SREK1: variants seen among roughly 807,000 people sequenced by gnomAD.
SREK1 encodes the protein splicing regulatory glutamic acid and lysine rich protein 1, also known as splicing regulatory glutamine/lysine-rich protein 1.
In SREK1, 13 loss-of-function variants were observed where a neutral mutation model predicts 66.5. The observed-to-expected ratio is 0.20, with a 90% CI of 0.13 to 0.31. The LOEUF is 0.31. SREK1 is among the 10% of genes least tolerant of loss of function. The pLI, the probability that SREK1 is intolerant of heterozygous loss-of-function variation, is 1.00. For missense variants in SREK1, 607 were observed against 769.6 expected, an observed-to-expected ratio of 0.79 and a Z score of 2.50; for synonymous variants, 265 against 263.5, an observed-to-expected ratio of 1.01 and a Z score of -0.05.
intron 1 of SREK1, among the ~76,000 whole-genome samples, chr5:66,149,665 A>G (rs989836810): frequency 6.6e-6 from 1 of 152,230 alleles, no homozygotes; most frequent in African/African-American, 2.4e-5. Context: ...CCGTCAGTTT[A>G]GGAAATGTTG....
chr5:66,152,917 T>C (rs1218589049), intron 1 of SREK1, among the ~76,000 whole-genome samples: 1 of 152,086 alleles, frequency 6.6e-6, no homozygotes, highest in Non-Finnish European at 1.5e-5. Flanking sequence ...CTATAAAATA[T>C]GTAAGATTTT....
intron 2 of SREK1, 122 bp from the exon 3 acceptor site, chr5:66,159,097 G>C (rs187498977): frequency 1.4e-5 from 20 of 1,432,596 alleles, no homozygotes; most frequent in Non-Finnish European, 9.1e-7. Context: ...TCTTTATACA[G>C]ATCTGATAGA....
At chr5:66,152,117 G>T (rs1049776937) in intron 1 of SREK1, among the ~76,000 whole-genome samples, 41 of 152,296 alleles carry the variant, frequency 2.7e-4, no homozygotes, top group African/African-American at 9.4e-4. Flanking sequence ...CTCCCAGAGT[G>T]CTGGGATTAC....
rs1259668051 is a variant in SREK1, at chr5:66,180,493, CTTTAGTA to C, written c.*1632_*1638del. The C allele has an allele frequency of 8.5e-5, 13 of 152,440 alleles. No individual in the cohort carries two copies. The highest frequency in any genetic ancestry group is 1.8e-4 in the Non-Finnish European group (12 of 67,982). The allele number at this position is 152,440 out of a possible 1,614,324, so 9.4% of individuals were successfully genotyped here. ...TCTTTTAATGTTAATAAGATTGAAA[CTTTAGTA>C]TTTAGTGGGGAATGGAAAGAGTTGC... On this transcript the variant is annotated 3_prime_UTR_variant, in exon 12 of 12. Coordinates refer to ENST00000334121, the MANE Select transcript of SREK1 (RefSeq NM_001077199.3).
intron 2 of SREK1, among the ~76,000 whole-genome samples, chr5:66,155,713 G>A (rs1039483015): frequency 3.2e-4 from 48 of 152,114 alleles, no homozygotes; most frequent in African/African-American, 1.2e-3. Context: ...TCTTTGAATT[G>A]CTGTTTTTTA....
At chr5:66,145,226 C>T (rs1743068499) in intron 1 of SREK1, 1 of 947,770 alleles carries the variant, frequency 1.1e-6, no homozygotes, top group Non-Finnish European at 1.3e-6. Context: ...CATTTAAAGT[C>T]CAGATCTTGG....
intron 1 of SREK1, among the ~76,000 whole-genome samples, chr5:66,146,649 A>C (rs1196956021): frequency 6.6e-6 from 1 of 151,836 alleles, no homozygotes; most frequent in Admixed American, 6.6e-5. Context: ...TGCTTTATTC[A>C]CAGGTTTTCT....
intron 1 of SREK1, among the ~76,000 whole-genome samples, chr5:66,152,147 C>T (rs867014815): frequency 1.8e-4 from 27 of 152,242 alleles, no homozygotes; most frequent in South Asian, 6.2e-4. Flanking sequence ...CCACTGCGCC[C>T]GGCGGTACAT....
chr5:66,153,421 C>A (rs750140401), intron 1 of SREK1, 42 bp from the exon 2 acceptor site: 5 of 1,581,380 alleles, frequency 3.2e-6, no homozygotes, highest in Non-Finnish European at 1.7e-6. Flanking sequence ...TAAAACCAAG[C>A]AAATGTTTAT....
Position 66,163,862 on chromosome 5 carries a change from G to C in SREK1, c.826G>C (p.Glu276Gln), listed in dbSNP as rs756021816. 6.2e-7 allele frequency: 1 copy of C among 1,613,774 alleles called. No homozygotes were observed. The highest frequency in any genetic ancestry group is 8.5e-7 in the Non-Finnish European group (1 of 1,179,718). Residue 276 changes from glutamate to glutamine, a missense_variant, in exon 6 of 12, where the codon GAA becomes CAA. Transcript: ENST00000334121. The part of the protein sequence containing the change: ...MTPQAAAKEL[E>Q]EVMKRVREAQ... ...ACCTCAGGCTGCAGCTAAGGAGTTA[G>C]AAGAAGTAATGAAGCGAGTACGAGA... is the stretch of plus-strand genomic sequence containing the variant.
At chr5:66,176,369 A>G (rs1401937832) in intron 10 of SREK1, among the ~76,000 whole-genome samples, 1 of 152,114 alleles carries the variant, frequency 6.6e-6, no homozygotes, top group Non-Finnish European at 1.5e-5. Context: ...CCTGTTCTCT[A>G]TACCCCTCAT....
At chr5:66,178,614 A>T (rs1746260108) in intron 11 of SREK1, 105 bp from the exon 12 acceptor site, 1 of 1,090,402 alleles carries the variant, frequency 9.2e-7, no homozygotes, top group Non-Finnish European at 1.3e-6. Flanking sequence ...AGAAAATCAT[A>T]CCCAGTTTTT....
In SREK1 at chr5:66,148,315, A is replaced by G. The variant is rs535109557; in HGVS notation, c.161+3778A>G. 9.7e-4 allele frequency among the ~76,000 whole-genome samples: 146 copies of G among 150,400 alleles called. 4 individuals carry two copies. The highest frequency in any genetic ancestry group is 1.8e-3 in the Non-Finnish European group (118 of 66,760). Reference sequence around the variant, plus strand: ...GTCCTCTGTCCTCTAAAGGATGTGTATTAATGTACTGATAAAATACTGGAC... The same window carrying G: ...GTCCTCTGTCCTCTAAAGGATGTGTGTTAATGTACTGATAAAATACTGGAC... On this transcript the variant is annotated intron_variant, in intron 1 of 11. Coordinates refer to ENST00000334121, the MANE Select transcript of SREK1 (RefSeq NM_001077199.3).
At chr5:66,156,027 T>G in intron 2 of SREK1, 2 of 1,533,850 alleles carry the variant, frequency 1.3e-6, no homozygotes, top group Non-Finnish European at 1.7e-6. Flanking sequence ...TAATTTGGTT[T>G]TGTATGTTTT....
At chr5:66,145,720 GTTGA>G (rs1259604237) in intron 1 of SREK1, among the ~76,000 whole-genome samples, 1 of 150,334 alleles carries the variant, frequency 6.7e-6, no homozygotes, top group African/African-American at 2.5e-5. Context: ...TTTGGCTACA[GTTGA>G]TTATTAAAAT....
intron 1 of SREK1, among the ~76,000 whole-genome samples, chr5:66,152,232 T>A (rs1743910506): frequency 6.6e-6 from 1 of 152,184 alleles, no homozygotes; most frequent in African/African-American, 2.4e-5. Context: ...AAATGCAGAT[T>A]CATTTTATTA....
chr5:66,174,972 G>C lies in SREK1; in HGVS notation c.1511G>C (p.Ser504Thr), dbSNP rs997104920. 5.0e-6 allele frequency: 8 copies of C among 1,612,948 alleles called. No individual in the cohort carries two copies. Among genetic ancestry groups the C allele is most frequent in the Non-Finnish European group, 5.9e-6 (7 of 1,179,470 alleles). The change falls in exon 10 of 12, where the codon AGT becomes ACT. Residue 504 changes from serine to threonine, a missense_variant. Physicochemically the swap from Ser to Thr is moderately conservative, Grantham distance 58. Around this residue, in one of 5 missense-constraint regions of SREK1, gnomAD observed 318 missense variants for 310.3 expected, o/e 1.02. Coordinates refer to ENST00000334121, the MANE Select transcript of SREK1 (RefSeq NM_001077199.3). ...SRERRRRRSRSSSRSPRTSKT... is the reference protein window; with the variant it reads ...SRERRRRRSRTSSRSPRTSKT... ...GAAAGGCGTAGGAGGAGGAGCAGGA[G>C]TTCTTCCAGATCGCCAAGAACATCA...
intron 1 of SREK1, among the ~76,000 whole-genome samples, chr5:66,147,067 A>G (rs1281814992): frequency 2.0e-5 from 3 of 152,146 alleles, no homozygotes; most frequent in South Asian, 2.1e-4. Flanking sequence ...AAAAAAAATG[A>G]CTTAAATGAC....
In SREK1 at chr5:66,179,014, C is replaced by G. The variant is rs73109316; in HGVS notation, c.*146C>G. 2.3e-6 allele frequency: 2 copies of G among 857,156 alleles called. No homozygotes were observed. The highest frequency in any genetic ancestry group is 6.9e-5 in the Admixed American group (2 of 28,824). 53.1% of individuals were successfully genotyped at this position (857,156 alleles called of 1,614,324 possible). On this transcript the variant is annotated 3_prime_UTR_variant, in exon 12 of 12. Transcript: ENST00000334121. ...TCCAGTTGTTAGATGACTTTGTGGC[C>G]ATCTTGTTATTGAGTAAGAAAATAA... is the stretch of plus-strand genomic sequence containing the variant.
Sources: allele counts gnomAD v4.1 joint callset (sites outside exome capture counted in the v4.1 genomes callset), GRCh38; gene constraint gnomAD v4.1.1; regional missense constraint gnomAD v4.1.1; transcripts MANE v1.5; gene names NCBI Gene and HGNC (gene_info 2026-07-23, HGNC 2026-07-21).